STXBP5: variants seen among roughly 807,000 people sequenced by gnomAD.
STXBP5 encodes syntaxin-binding protein 5.
Under a neutral mutation model 152.4 loss-of-function variants are expected in STXBP5, and 50 were observed. The observed-to-expected ratio is 0.33, with a 90% CI of 0.26 to 0.42. STXBP5 has a LOEUF of 0.42. STXBP5 is among the 10% of genes least tolerant of loss of function. The probability of loss-of-function intolerance (pLI) is 1.00; values close to 1 mark genes in which losing one functional copy is unlikely to be tolerated. For synonymous variants in STXBP5, 492 were observed against 494.7 expected, an observed-to-expected ratio of 0.99 and a Z score of 0.07; for missense variants, 1,167 against 1,388.6, an observed-to-expected ratio of 0.84 and a Z score of 2.54.
chr6:147,242,004 A>G (rs1778569266), intron 4 of STXBP5, among the ~76,000 whole-genome samples: 1 of 152,070 alleles, frequency 6.6e-6, no homozygotes, highest in Non-Finnish European at 1.5e-5. Flanking sequence ...CAGGTCCTTC[A>G]GGAAATATTC....
chr6:147,372,899 C>G (rs939839565), intron 25 of STXBP5, among the ~76,000 whole-genome samples: 13 of 152,152 alleles, frequency 8.5e-5, no homozygotes, highest in African/African-American at 2.9e-4. Flanking sequence ...GTTCCCATCT[C>G]TCTGCCAGAT....
intron 2 of STXBP5, among the ~76,000 whole-genome samples, chr6:147,227,678 T>C (rs1284698283): frequency 6.6e-6 from 1 of 152,202 alleles, no homozygotes; most frequent in African/African-American, 2.4e-5. Flanking sequence ...AGTTAACCCA[T>C]CACTTTTCCA....
intron 9 of STXBP5, chr6:147,292,391 G>C (rs1781324529): frequency 9.5e-6 from 3 of 316,530 alleles, no homozygotes; most frequent in Non-Finnish European, 1.8e-5. Context: ...TGACTTCTTT[G>C]TGGTTCATTT....
chr6:147,332,356 A>G (rs1783617781), intron 18 of STXBP5, among the ~76,000 whole-genome samples: 1 of 152,138 alleles, frequency 6.6e-6, no homozygotes, highest in Non-Finnish European at 1.5e-5. Flanking sequence ...GCCGAGGGGA[A>G]AAGTACTTGA....
intron 11 of STXBP5, among the ~76,000 whole-genome samples, chr6:147,311,760 CAT>C (rs758817339): frequency 4.6e-5 from 7 of 152,100 alleles, no homozygotes; most frequent in African/African-American, 9.7e-5. Context: ...TGAAATTTCA[CAT>C]GATTCAACCT....
intron 26 of STXBP5, among the ~76,000 whole-genome samples, chr6:147,376,160 A>G (rs1010320310): frequency 2.0e-5 from 3 of 152,224 alleles, no homozygotes; most frequent in Non-Finnish European, 4.4e-5. Flanking sequence ...ATACACAGAC[A>G]ATAACATAGC....
intron 3 of STXBP5, among the ~76,000 whole-genome samples, chr6:147,237,132 A>G (rs9485155): frequency 0.068 from 10,374 of 152,200 alleles, 476 homozygotes; most frequent in African/African-American, 0.12. Flanking sequence ...ATTTGAGCCA[A>G]TGTTAATAAA....
intron 2 of STXBP5, among the ~76,000 whole-genome samples, chr6:147,222,513 G>A (rs1042038970): frequency 2.6e-5 from 4 of 152,088 alleles, no homozygotes; most frequent in African/African-American, 9.7e-5. Flanking sequence ...CTTTTAGGTG[G>A]AATAAGATGG....
In STXBP5 at chr6:147,382,851, C is replaced by T. The variant is rs775791413; in HGVS notation, c.3267C>T (p.Gly1089=). Residue 1089 remains glycine (G), a synonymous_variant, in exon 27 of 28, where the codon GGC becomes GGT. Transcript: ENST00000321680. ...TTCCTGGCCCTGGTGGCATTGAAGGCGTAAAAGGGGCAGCATCTGGAGTTG... is the reference window on the plus strand; with the variant it reads ...TTCCTGGCCCTGGTGGCATTGAAGGTGTAAAAGGGGCAGCATCTGGAGTTG... ...QHIPGPGGIE[G]VKGAASGVVG... 4 of 1,613,352 alleles carry T rather than the reference C, an allele frequency of 2.5e-6. No homozygotes were observed. Among genetic ancestry groups the T allele is most frequent in the South Asian group, 1.1e-5 (1 of 91,062 alleles).
At chr6:147,316,748 T>C (rs1333232134) in intron 16 of STXBP5, among the ~76,000 whole-genome samples, 1 of 138,680 alleles carries the variant, frequency 7.2e-6, no homozygotes, top group African/African-American at 2.8e-5. Flanking sequence ...CCGACTGCTT[T>C]CTACAACTCT....
intron 2 of STXBP5, among the ~76,000 whole-genome samples, chr6:147,209,062 A>G (rs1776717599): frequency 6.6e-6 from 1 of 152,078 alleles, no homozygotes; most frequent in African/African-American, 2.4e-5. Context: ...ATTTACTACT[A>G]AAATTTCAAA....
At chr6:147,243,706 T>A (rs1328532658) in intron 4 of STXBP5, among the ~76,000 whole-genome samples, 1 of 152,134 alleles carries the variant, frequency 6.6e-6, no homozygotes, top group East Asian at 1.9e-4. Context: ...AGTTTTAGAG[T>A]TTTGCATTTT....
chr6:147,204,424 C>CA lies in STXBP5; in HGVS notation c.-108dup. On this transcript the variant is annotated 5_prime_UTR_variant, in exon 1 of 28. Transcript: ENST00000321680. This position sits in a 1 kb window ranked among gnomAD's most constrained non-coding sequence, Gnocchi z 4.3. ...AGCTGCCTCCTTACCCTCACACTCC[C>CA]ACTCCTCCGTTTCCGCGGTCGAAGC... is the stretch of plus-strand genomic sequence containing the variant. 9.9e-7 allele frequency: 1 copy of CA among 1,015,192 alleles called. No individual in the cohort carries two copies. The highest frequency in any genetic ancestry group is 1.5e-6 in the Non-Finnish European group (1 of 681,900). The allele number at this position is 1,015,192 out of a possible 1,614,324, so 62.9% of individuals were successfully genotyped here. A position where few individuals can be genotyped will look rare whatever the true frequency, so the allele number is the denominator to read the frequency against.
At chr6:147,311,966 G>T (rs553409074) in intron 11 of STXBP5, among the ~76,000 whole-genome samples, 8 of 152,216 alleles carry the variant, frequency 5.3e-5, no homozygotes, top group African/African-American at 1.7e-4. Context: ...CCATGGTTCA[G>T]TATTGTTTTT....
chr6:147,351,921 A>G (rs1340046557), intron 21 of STXBP5: 3 of 982,850 alleles, frequency 3.1e-6, no homozygotes, highest in African/African-American at 1.7e-5. Context: ...ATCTCCTAAC[A>G]GTCCAAAATT....
chr6:147,235,223 T>C lies in STXBP5; in HGVS notation c.249-27T>C, dbSNP rs1036855148. On this transcript the variant is annotated intron_variant, in intron 2 of 27. Transcript: ENST00000321680. ...GTTTCTCAAAACCGAACAAATACCA[T>C]AAACTCCTTAATGGAATTAATTACA... 2.5e-6 allele frequency: 4 copies of C among 1,606,898 alleles called. No homozygotes were observed. In the African/African-American group the frequency reaches 4.0e-5, roughly 16 times the overall value.
Position 147,388,914 on chromosome 6 carries a change from A to G in STXBP5, c.*4159A>G, listed in dbSNP as rs1361223906. The G allele has an allele frequency of 6.6e-6, 1 of 151,424 alleles. No individual in the cohort carries two copies. The highest frequency in any genetic ancestry group is 1.5e-5 in the Non-Finnish European group (1 of 67,590). 9.4% of individuals were successfully genotyped at this position (151,424 alleles called of 1,614,324 possible). ...CAGAGTTTATGTATTTTTGTCAATG[A>G]AGGTTTTTATTTTGTAGTTTATAGA... On this transcript the variant is annotated 3_prime_UTR_variant, in exon 28 of 28. Transcript: ENST00000321680.
chr6:147,340,361 T>A (rs1223119365), intron 21 of STXBP5, among the ~76,000 whole-genome samples: 1 of 152,078 alleles, frequency 6.6e-6, no homozygotes, highest in Non-Finnish European at 1.5e-5. Flanking sequence ...TAGCCCCTTG[T>A]CATTTTTTAA....
At chr6:147,317,488 G>A (rs1782702031) in intron 16 of STXBP5, among the ~76,000 whole-genome samples, 1 of 152,088 alleles carries the variant, frequency 6.6e-6, no homozygotes, top group Admixed American at 6.6e-5. Flanking sequence ...ACATGAGGAA[G>A]GGAGATGCTA....
Sources: gnomAD v4.1 joint callset for allele counts (sites outside exome capture counted in the v4.1 genomes callset) on GRCh38, gnomAD v4.1.1 for gene constraint, Gnocchi (gnomAD v3.1) non-coding constraint, MANE v1.5 for transcripts, NCBI Gene and HGNC (gene_info 2026-07-23, HGNC 2026-07-21) for gene names.